Variants in TTC28 observed in about 807,000 individuals in gnomAD.
The protein encoded by TTC28 is tetratricopeptide repeat domain 28, also known as tetratricopeptide repeat protein 28.
TTC28 carries 61 observed loss-of-function variants against 198.0 expected under a neutral mutation model. The observed-to-expected ratio is 0.31, with a 90% CI of 0.25 to 0.38. TTC28 has a LOEUF of 0.38. Ranked by LOEUF, TTC28 falls within the 10% of genes least tolerant of loss-of-function variation. The pLI, the probability that TTC28 is intolerant of heterozygous loss-of-function variation, is 1.00. For missense variants in TTC28, 2,678 were observed against 3,164.0 expected (o/e 0.85, Z 3.69); for synonymous variants, 1,171 against 1,297.8 (o/e 0.90, Z 2.10).
chr22:28,237,452 T>C (rs1929333557), intron 5 of TTC28, among the ~76,000 whole-genome samples: 5 of 152,240 alleles, frequency 3.3e-5, no homozygotes, highest in Admixed American at 3.3e-4. Context: ...ATCTTTAAAT[T>C]AGTACAGTCT....
intron 2 of TTC28, among the ~76,000 whole-genome samples, chr22:28,342,622 C>A (rs868347862): frequency 1.3e-5 from 2 of 151,920 alleles, no homozygotes; most frequent in South Asian, 2.1e-4. Flanking sequence ...GTATGATACA[C>A]AAAAAACGGT....
In TTC28 at chr22:28,341,313, G is replaced by C. The variant is rs2045824243; in HGVS notation, c.382-34670C>G. On this transcript the variant is annotated intron_variant, in intron 2 of 22. Transcript: ENST00000397906. ...TCTTTTGGAATTTATTCAACTTCCT[G>C]ATTCTTTTCTTACAAGCTTTTGCAA... is the stretch of plus-strand genomic sequence containing the variant. Among the ~76,000 whole-genome samples, 3 of 152,144 alleles carry C rather than the reference G, an allele frequency of 2.0e-5. No individual in the cohort carries two copies. In the South Asian group the frequency reaches 6.2e-4, roughly 32 times the overall value.
chr22:28,419,775 T>C (rs781238053), intron 2 of TTC28, among the ~76,000 whole-genome samples: 1 of 152,204 alleles, frequency 6.6e-6, no homozygotes, highest in Non-Finnish European at 1.5e-5. Flanking sequence ...CAAGACTATA[T>C]AGTTTCTCTT....
At chr22:28,348,776 T>C (rs1213768781) in intron 2 of TTC28, among the ~76,000 whole-genome samples, 1 of 152,174 alleles carries the variant, frequency 6.6e-6, no homozygotes, top group East Asian at 1.9e-4. Flanking sequence ...AATGTCAGGC[T>C]CTTTAAACAT....
At chr22:28,052,405 C>T (rs1024240464) in intron 12 of TTC28, among the ~76,000 whole-genome samples, 5 of 152,104 alleles carry the variant, frequency 3.3e-5, no homozygotes, top group Admixed American at 6.6e-5. Flanking sequence ...CACAAAGCTC[C>T]GCAAGATTCA....
chr22:28,327,314 T>C (rs1203350924), intron 2 of TTC28, among the ~76,000 whole-genome samples: 2 of 152,192 alleles, frequency 1.3e-5, no homozygotes, highest in Non-Finnish European at 2.9e-5. Context: ...TTTGTTGATT[T>C]CACTGTTTAA....
rs1555909582 is a variant in TTC28 at position 28,670,704 on chromosome 22, C to CATACATATATATATATATATATAT, written c.102+8917_102+8918insATATATATATATATATATATGTAT. ...AACAATTGTTTTGATGTCTTTAGGG[C>CATACATATATATATATATATATAT]ATATATATATATATATATATGAGTG... On this transcript the variant is annotated intron_variant, in intron 1 of 22. Transcript: ENST00000397906. Among the ~76,000 whole-genome samples the CATACATATATATATATATATATAT allele has an allele frequency of 3.1e-5, 4 of 128,554 alleles. 1 individual carries two copies. Among genetic ancestry groups the CATACATATATATATATATATATAT allele is most frequent in the African/African-American group, 1.2e-4 (4 of 33,988 alleles). The allele number at this position is 128,554 out of a possible 152,430, so 84.3% of individuals were successfully genotyped here.
chr22:28,265,018 T>C (rs770680975), intron 5 of TTC28, among the ~76,000 whole-genome samples: 1 of 152,146 alleles, frequency 6.6e-6, no homozygotes, highest in Non-Finnish European at 1.5e-5. Context: ...TATACAAGAA[T>C]TCCTTGAAAA....
chr22:28,201,406 CCTT>C (rs1032518810), intron 5 of TTC28, among the ~76,000 whole-genome samples: 7 of 151,976 alleles, frequency 4.6e-5, no homozygotes, highest in African/African-American at 1.7e-4. Flanking sequence ...GAAGACTTAA[CCTT>C]CTTAGGGTGT....
At chr22:28,296,659 T>C (rs2044902566) in intron 4 of TTC28, among the ~76,000 whole-genome samples, 1 of 152,190 alleles carries the variant, frequency 6.6e-6, no homozygotes, top group African/African-American at 2.4e-5. Flanking sequence ...CCTTTGATTC[T>C]AAACAACCAT....
At chr22:28,444,433 G>A (rs1299234913) in intron 2 of TTC28, among the ~76,000 whole-genome samples, 1 of 151,940 alleles carries the variant, frequency 6.6e-6, no homozygotes, top group Non-Finnish European at 1.5e-5. Context: ...TAACTCAAAG[G>A]GACTGCTTTT....
chr22:28,334,247 A>G (rs2045668117), intron 2 of TTC28, among the ~76,000 whole-genome samples: 2 of 151,840 alleles, frequency 1.3e-5, no homozygotes, highest in African/African-American at 4.8e-5. Context: ...AATCCAGTCT[A>G]TCATTGATGG....
rs146824423 is a variant in TTC28 at position 28,297,788 on chromosome 22, G to A, written c.594C>T (p.Val198=). 3.4e-4 allele frequency: 520 copies of A among 1,551,504 alleles called. No individual in the cohort carries two copies. Among genetic ancestry groups the A allele is most frequent in the Non-Finnish European group, 4.2e-4 (478 of 1,147,002 alleles). ...KMKLDKSPFV[V]VSVVGQELLT... is the part of the protein sequence containing the mutation. ...GGAGTTCCTGCCCAACCACAGACAC[G>A]ACCACAAAGGGACTCTTGTCCAGTT... Residue 198 remains valine, a synonymous_variant, in exon 4 of 23, where the codon GTC becomes GTT. Transcript: ENST00000397906.
chr22:28,105,943 T>C (rs995795869), intron 7 of TTC28, 141 bp from the exon 8 acceptor site: 1 of 1,097,436 alleles, frequency 9.1e-7, no homozygotes, highest in Middle Eastern at 3.1e-4. Context: ...AAATCTATCA[T>C]GTGCCCTTAG....
intron 2 of TTC28, among the ~76,000 whole-genome samples, chr22:28,344,561 A>C (rs1191396836): frequency 6.6e-6 from 1 of 152,182 alleles, no homozygotes; most frequent in Non-Finnish European, 1.5e-5. Context: ...TATTCTTTTG[A>C]TTGTTATTAA....
At chr22:28,453,345 T>C (rs898585227) in intron 2 of TTC28, among the ~76,000 whole-genome samples, 1 of 152,156 alleles carries the variant, frequency 6.6e-6, no homozygotes, top group East Asian at 1.9e-4. Context: ...CTGTCTATAA[T>C]TATTCCTCAA....
intron 12 of TTC28, among the ~76,000 whole-genome samples, chr22:28,080,825 C>G (rs1489340669): frequency 6.6e-6 from 1 of 152,028 alleles, no homozygotes; most frequent in Non-Finnish European, 1.5e-5. Context: ...TCAAGTTTTA[C>G]GTTTAGGTCT....
intron 6 of TTC28, among the ~76,000 whole-genome samples, chr22:28,115,581 A>G (rs1427975779): frequency 1.3e-5 from 2 of 152,238 alleles, no homozygotes; most frequent in Non-Finnish European, 1.5e-5. Context: ...GAAAATCCTA[A>G]AAGATTAAGA....
intron 5 of TTC28, among the ~76,000 whole-genome samples, chr22:28,229,223 A>G (rs960936824): frequency 2.0e-5 from 3 of 152,356 alleles, no homozygotes; most frequent in Admixed American, 6.5e-5. Flanking sequence ...CAAGGGAAAA[A>G]GTAAGCTAAT....
Sources: gnomAD v4.1 joint callset for allele counts (sites outside exome capture counted in the v4.1 genomes callset) on GRCh38, gnomAD v4.1.1 for gene constraint, MANE v1.5 for transcripts, NCBI Gene and HGNC (gene_info 2026-07-23, HGNC 2026-07-21) for gene names.